Variants in SUGT1 observed in about 807,000 individuals in gnomAD.
SUGT1 encodes the protein SGT1 assembly cochaperone of MIS12 kinetochore complex.
SUGT1 carries 15 observed loss-of-function variants against 56.1 expected under a neutral mutation model. The observed-to-expected ratio is 0.27, with a 90% CI of 0.18 to 0.41. The LOEUF (loss-of-function observed/expected upper bound fraction) is 0.41. Ranked by LOEUF, SUGT1 falls within the 10% of genes least tolerant of loss-of-function variation. The pLI, the probability that SUGT1 is intolerant of heterozygous loss-of-function variation, is 1.00. For missense variants in SUGT1, 347 were observed against 382.2 expected (o/e 0.91, Z 0.77); for synonymous variants, 123 against 128.6 (o/e 0.96, Z 0.30).
chr13:52,666,807 A>G lies in SUGT1; in HGVS notation c.520-5A>G, dbSNP rs756055372. On this transcript the variant is annotated splice_polypyrimidine_tract_variant and splice_region_variant and intron_variant, in intron 9 of 12. Coordinates refer to ENST00000310528, the MANE Select transcript of SUGT1 (RefSeq NM_006704.5). ...AAAATGTGATGCTAATTTTGTGTTC[A>G]TTAGTTGTCTGCTTTGGTTAAACTT... The G allele has an allele frequency of 1.1e-5, 18 of 1,605,106 alleles. No homozygotes were observed. Among genetic ancestry groups the G allele is most frequent in the South Asian group, 5.5e-5 (5 of 90,614 alleles).
At chr13:52,686,991 A>C (rs1344081678) in intron 12 of SUGT1, among the ~76,000 whole-genome samples, 2 of 136,580 alleles carry the variant, frequency 1.5e-5, no homozygotes, top group Non-Finnish European at 3.1e-5. Context: ...GAAGCGCTTG[A>C]ACCTGGGAGG....
chr13:52,668,573 G>A (rs776436512), intron 10 of SUGT1, among the ~76,000 whole-genome samples: 2 of 152,142 alleles, frequency 1.3e-5, no homozygotes, highest in South Asian at 4.1e-4. Flanking sequence ...AGCTGCTTGG[G>A]ACAATAGAAA....
At chr13:52,661,626 G>A in intron 5 of SUGT1, 1 of 409,520 alleles carries the variant, frequency 2.4e-6, no homozygotes, top group Non-Finnish European at 4.9e-6. Flanking sequence ...AAACTTTTAG[G>A]CTTCTATTTT....
At position 52,688,172 on chromosome 13, in the gene SUGT1, G is replaced by A. The variant is rs1963667159; in HGVS notation, c.*337G>A. ...TGCCTTATTTTTGATACAGTATTCTGTCAGTAATTTATTAGACCTGGCAGC... is the reference window on the plus strand; with the variant it reads ...TGCCTTATTTTTGATACAGTATTCTATCAGTAATTTATTAGACCTGGCAGC... On this transcript the variant is annotated 3_prime_UTR_variant, in exon 13 of 13. Coordinates refer to ENST00000310528, the MANE Select transcript of SUGT1 (RefSeq NM_006704.5). The A allele has an allele frequency of 1.9e-5, 3 of 156,294 alleles. No individual in the cohort carries two copies. Among genetic ancestry groups the A allele is most frequent in the African/African-American group, 7.2e-5 (3 of 41,534 alleles). 9.7% of individuals were successfully genotyped at this position (156,294 alleles called of 1,614,324 possible). A position where few individuals can be genotyped will look rare whatever the true frequency, so the allele number is the denominator to read the frequency against.
At chr13:52,667,062 G>GT in intron 10 of SUGT1, 143 bp downstream of exon 10, 1 of 588,032 alleles carries the variant, frequency 1.7e-6, no homozygotes, top group South Asian at 2.6e-5. Flanking sequence ...TAACTTTTGA[G>GT]TATAAGGGTT....
chr13:52,687,063 C>T (rs1360715498), intron 12 of SUGT1: 5 of 58,292 alleles, frequency 8.6e-5, no homozygotes, highest in Admixed American at 2.9e-4. Context: ...GAGTGAACTC[C>T]GTCTCAAAAA....
chr13:52,684,378 C>T (rs1963491131), intron 12 of SUGT1, among the ~76,000 whole-genome samples: 1 of 151,252 alleles, frequency 6.6e-6, no homozygotes, highest in African/African-American at 2.4e-5. Context: ...ATTTTTTCTT[C>T]CAAAGAATTA....
In SUGT1 at chr13:52,695,534, A is replaced by G. The variant is rs1356578889; in HGVS notation, c.*7699A>G. ...CCTGACTCAAATTATGTTACCAATA[A>G]ATGCTACTTAAATGTAAAGTCCTTG... On this transcript the variant is annotated 3_prime_UTR_variant, in exon 13 of 13. Transcript: ENST00000310528. 6.6e-6 allele frequency: 1 copy of G among 152,224 alleles called. No individual in the cohort carries two copies. Among genetic ancestry groups the G allele is most frequent in the Non-Finnish European group, 1.5e-5 (1 of 68,044 alleles). The allele number at this position is 152,224 out of a possible 1,614,324, so 9.4% of individuals were successfully genotyped here.
rs1275459816 is a variant in SUGT1, at chr13:52,696,857, A to C, written c.*9022A>C. On this transcript the variant is annotated 3_prime_UTR_variant, in exon 13 of 13. Transcript: ENST00000310528. The stretch of plus-strand genomic sequence containing the variant: ...AGCCACGAGAGCTAATTTTAACTAC[A>C]TTGTTAGAGGTAGTAACAGTTATAT... The C allele has an allele frequency of 6.7e-6, 1 of 148,320 alleles. No individual in the cohort carries two copies. Among genetic ancestry groups the C allele is most frequent in the Non-Finnish European group, 1.5e-5 (1 of 67,650 alleles). The allele number at this position is 148,320 out of a possible 1,614,324, so 9.2% of individuals were successfully genotyped here.
chr13:52,686,175 G>A (rs949533045), intron 12 of SUGT1, among the ~76,000 whole-genome samples: 4 of 152,024 alleles, frequency 2.6e-5, no homozygotes, highest in East Asian at 1.9e-4. Context: ...TGATCTGCCC[G>A]CCTCAGCCTC....
intron 10 of SUGT1, among the ~76,000 whole-genome samples, chr13:52,673,684 G>A (rs574336910): frequency 6.6e-6 from 1 of 152,340 alleles, no homozygotes; most frequent in South Asian, 2.1e-4. Context: ...ATAGTTACAG[G>A]AACATGAAGT....
rs758000433 is a variant in SUGT1, at chr13:52,666,936, G to A, written c.627+17G>A. On this transcript the variant is annotated intron_variant, in intron 10 of 12. Transcript: ENST00000310528. ...TCAACAAAGGTAAGACCATTGAAAAGTTTGTTACTAGTAATATTTTCAAAA... is the reference window on the plus strand; with the variant it reads ...TCAACAAAGGTAAGACCATTGAAAAATTTGTTACTAGTAATATTTTCAAAA... 2.6e-6 allele frequency: 4 copies of A among 1,545,566 alleles called. No individual in the cohort carries two copies. Among genetic ancestry groups the A allele is most frequent in the Non-Finnish European group, 3.6e-6 (4 of 1,126,302 alleles).
intron 11 of SUGT1, among the ~76,000 whole-genome samples, chr13:52,676,916 A>G (rs886939625): frequency 3.3e-5 from 5 of 152,170 alleles, no homozygotes; most frequent in African/African-American, 4.8e-5. Context: ...AATTTTAAGT[A>G]TGTGCAATAA....
At position 52,699,104 on chromosome 13, in the gene SUGT1, A is replaced by G. The variant is rs962192596; in HGVS notation, c.*11269A>G. On this transcript the variant is annotated 3_prime_UTR_variant, in exon 13 of 13. Transcript: ENST00000310528. The stretch of plus-strand genomic sequence containing the variant: ...TAAAGTTTAGAGAAGAGGAAAAGCT[A>G]CTTGGCTTGCTCCTTTGAAGGTTTT... The G allele has an allele frequency of 6.6e-6, 1 of 152,196 alleles. No homozygotes were observed. The highest frequency in any genetic ancestry group is 6.5e-5 in the Admixed American group (1 of 15,278). The allele number at this position is 152,196 out of a possible 1,614,324, so 9.4% of individuals were successfully genotyped here.
chr13:52,698,911 T>G lies in SUGT1; in HGVS notation c.*11076T>G, dbSNP rs1426116718. ...CTTCATTACTTTCCTCCTGAGATTT[T>G]GAATCAGTACCTTTGAGAGAGGGTC... On this transcript the variant is annotated 3_prime_UTR_variant, in exon 13 of 13. Transcript: ENST00000310528. The G allele has an allele frequency of 6.6e-6, 1 of 151,396 alleles. No individual in the cohort carries two copies. Among genetic ancestry groups the G allele is most frequent in the Non-Finnish European group, 1.5e-5 (1 of 67,770 alleles). The allele number at this position is 151,396 out of a possible 1,614,324, so 9.4% of individuals were successfully genotyped here. A position where few individuals can be genotyped will look rare whatever the true frequency, so the allele number is the denominator to read the frequency against.
intron 10 of SUGT1, among the ~76,000 whole-genome samples, chr13:52,668,551 G>C (rs1326645042): frequency 6.6e-6 from 1 of 152,182 alleles, no homozygotes; most frequent in Non-Finnish European, 1.5e-5. Context: ...TTATGAGGCA[G>C]ATTTTTGAAA....
At chr13:52,659,541 T>A (rs1962324129) in intron 5 of SUGT1, among the ~76,000 whole-genome samples, 1 of 151,924 alleles carries the variant, frequency 6.6e-6, no homozygotes, top group South Asian at 2.1e-4. Context: ...AATGGAGAAG[T>A]GAAAGTTTAA....
At chr13:52,682,312 C>T (rs1191495403) in intron 12 of SUGT1, among the ~76,000 whole-genome samples, 1 of 152,132 alleles carries the variant, frequency 6.6e-6, no homozygotes, top group African/African-American at 2.4e-5. Context: ...GATCCTTATG[C>T]CTCAGCCTCC....
rs1281599493 is a variant in SUGT1, at chr13:52,689,468, G to A, written c.*1633G>A. 6.6e-6 allele frequency: 1 copy of A among 152,160 alleles called. No individual in the cohort carries two copies. The highest frequency in any genetic ancestry group is 1.5e-5 in the Non-Finnish European group (1 of 68,038). The allele number at this position is 152,160 out of a possible 1,614,324, so 9.4% of individuals were successfully genotyped here. On this transcript the variant is annotated 3_prime_UTR_variant, in exon 13 of 13. Transcript: ENST00000310528. ...GCAGAGGCATAGTTGAGGACGTATA[G>A]CACTATACCAGAGACAAGAATGCTT...
Sources: allele counts gnomAD v4.1 joint callset (sites outside exome capture counted in the v4.1 genomes callset), GRCh38; gene constraint gnomAD v4.1.1; transcripts MANE v1.5; gene names NCBI Gene and HGNC (gene_info 2026-07-23, HGNC 2026-07-21).